The following MAGI2 variants were observed in gnomAD, a reference collection of about 807,000 sequenced individuals.
MAGI2 encodes the protein membrane-associated guanylate kinase, WW and PDZ domain-containing protein 2.
In MAGI2, 35 loss-of-function variants were observed where a neutral mutation model predicts 133.3. The observed-to-expected ratio is 0.26, with a 90% CI of 0.20 to 0.35. The LOEUF (loss-of-function observed/expected upper bound fraction) is 0.35, where lower values mean the gene tolerates loss of function less well. Among genes scored for constraint, MAGI2 ranks in the 10% least tolerant of loss-of-function variants. MAGI2 has a pLI of 1.00. For missense variants in MAGI2, 1,636 were observed against 1,863.4 expected (o/e 0.88, Z 2.25); for synonymous variants, 729 against 710.6 (o/e 1.03, Z -0.41).
intron 1 of MAGI2, chr7:79,124,644 A>G (rs970085565): frequency 6.6e-6 from 1 of 152,558 alleles, no homozygotes; most frequent in Non-Finnish European, 1.5e-5. Flanking sequence ...AATATCTGCT[A>G]ATGCCTATTG....
intron 10 of MAGI2, among the ~76,000 whole-genome samples, chr7:78,218,204 T>G (rs1296936926): frequency 6.6e-6 from 1 of 152,228 alleles, no homozygotes; most frequent in Admixed American, 6.5e-5. Flanking sequence ...GGTTGAGTCA[T>G]GATGTATGTA....
At chr7:78,272,833 T>G (rs1434044647) in intron 9 of MAGI2, among the ~76,000 whole-genome samples, 5 of 152,226 alleles carry the variant, frequency 3.3e-5, no homozygotes, top group African/African-American at 1.2e-4. Flanking sequence ...TCTATGTGTG[T>G]CTTTGCACGT....
intron 12 of MAGI2, among the ~76,000 whole-genome samples, chr7:78,190,482 T>C (rs1051549485): frequency 6.6e-6 from 1 of 152,194 alleles, no homozygotes; most frequent in Non-Finnish European, 1.5e-5. Context: ...ATCATTCAAA[T>C]GATGAGAGTC....
chr7:78,452,242 C>A (rs1253254099), intron 6 of MAGI2, among the ~76,000 whole-genome samples: 1 of 151,886 alleles, frequency 6.6e-6, no homozygotes, highest in Non-Finnish European at 1.5e-5. Context: ...AATTAAGTAG[C>A]AGAATCAGTA....
At chr7:78,107,709 A>T (rs12705287) in intron 20 of MAGI2, among the ~76,000 whole-genome samples, 38,989 of 150,440 alleles carry the variant, frequency 0.26, 5,704 homozygotes, top group East Asian at 0.56. Context: ...GATTTCTTCA[A>T]GGTTCAATCT....
intron 2 of MAGI2, among the ~76,000 whole-genome samples, chr7:78,690,232 A>G (rs1389725082): frequency 6.6e-6 from 1 of 152,216 alleles, no homozygotes; most frequent in African/African-American, 2.4e-5. Flanking sequence ...ATTCATTCAA[A>G]GACACACTTA....
intron 3 of MAGI2, among the ~76,000 whole-genome samples, chr7:78,564,780 A>ATTTTT (rs1584654139): frequency 4.2e-5 from 3 of 72,166 alleles, no homozygotes; most frequent in African/African-American, 9.0e-5. Flanking sequence ...TCTCTTTGAC[A>ATTTTT]TTCTTTTTTT....
intron 1 of MAGI2, among the ~76,000 whole-genome samples, chr7:79,271,207 A>G (rs1251931873): frequency 1.3e-5 from 2 of 152,126 alleles, no homozygotes; most frequent in Non-Finnish European, 2.9e-5. Context: ...GACAGCACAT[A>G]TTGACGATTC....
At chr7:78,202,971 T>C (rs1025989382) in intron 10 of MAGI2, among the ~76,000 whole-genome samples, 3 of 152,210 alleles carry the variant, frequency 2.0e-5, no homozygotes, top group Admixed American at 6.5e-5. Context: ...CCTTGACTCA[T>C]TCTATAAAAT....
Position 78,238,499 on chromosome 7 carries a change from G to A in MAGI2, c.2047+17444C>T, listed in dbSNP as rs1001897726. On this transcript the variant is annotated intron_variant, in intron 10 of 21. Transcript: ENST00000354212. The stretch of plus-strand genomic sequence containing the variant: ...GAGGATTACTTGAGCCCAGGAGTTC[G>A]AGGCTAGCCTGGGCAAAATAACGAG... 2.0e-5 allele frequency among the ~76,000 whole-genome samples: 3 copies of A among 151,836 alleles called. No individual in the cohort carries two copies. The South Asian group carries it at 6.3e-4, about 32-fold the overall frequency.
At chr7:78,346,469 T>C (rs76716188) in intron 7 of MAGI2, among the ~76,000 whole-genome samples, 1,898 of 152,274 alleles carry the variant, frequency 0.012, 53 homozygotes, top group African/African-American at 0.043. Context: ...GGTAAATTCA[T>C]TGATAGAGTA....
chr7:79,061,104 G>T (rs1387764471), intron 1 of MAGI2, among the ~76,000 whole-genome samples: 1 of 152,034 alleles, frequency 6.6e-6, no homozygotes, highest in African/African-American at 2.4e-5. Context: ...TTCATTTAGG[G>T]TGGATGGAAG....
At chr7:79,197,106 G>A (rs899854256) in intron 1 of MAGI2, among the ~76,000 whole-genome samples, 14 of 151,692 alleles carry the variant, frequency 9.2e-5, no homozygotes, top group African/African-American at 3.4e-4. Context: ...TACATCAAAA[G>A]CCCTATCACA....
At chr7:79,360,759 T>C (rs1842330313) in intron 1 of MAGI2, among the ~76,000 whole-genome samples, 1 of 151,996 alleles carries the variant, frequency 6.6e-6, no homozygotes, top group Non-Finnish European at 1.5e-5. Flanking sequence ...CTTAAAATTG[T>C]TCAAGTAGCC....
At chr7:79,310,865 A>G (rs546592698) in intron 1 of MAGI2, among the ~76,000 whole-genome samples, 1 of 152,076 alleles carries the variant, frequency 6.6e-6, no homozygotes, top group Non-Finnish European at 1.5e-5. Flanking sequence ...CTACAGCAGT[A>G]CTACATTTAC....
chr7:78,285,822 T>C (rs1046113885), intron 9 of MAGI2: 13 of 152,106 alleles, frequency 8.5e-5, no homozygotes, highest in South Asian at 2.1e-4. Context: ...TGGATCACAG[T>C]GTGAATAACA....
chr7:78,065,455 G>A, intron 21 of MAGI2: 1 of 572,646 alleles, frequency 1.7e-6, no homozygotes, highest in Non-Finnish European at 3.1e-6. Flanking sequence ...ATATATTCCA[G>A]AACTCTAGAA....
intron 20 of MAGI2, among the ~76,000 whole-genome samples, chr7:78,115,374 A>G (rs1819761410): frequency 6.6e-6 from 1 of 152,236 alleles, no homozygotes; most frequent in Admixed American, 6.5e-5. Flanking sequence ...AAATACAAGT[A>G]TAAGTAAATA....
chr7:78,957,520 T>C (rs1646250057), intron 2 of MAGI2, among the ~76,000 whole-genome samples: 1 of 152,124 alleles, frequency 6.6e-6, no homozygotes, highest in African/African-American at 2.4e-5. Flanking sequence ...ATTTACTATA[T>C]GTATATGTAA....
Sources: allele counts gnomAD v4.1 joint callset (sites outside exome capture counted in the v4.1 genomes callset), GRCh38; gene constraint gnomAD v4.1.1; transcripts MANE v1.5; gene names NCBI Gene and HGNC (gene_info 2026-07-23, HGNC 2026-07-21).